PITPNM2: variants seen among roughly 807,000 people sequenced by gnomAD.
The protein encoded by PITPNM2 is membrane-associated phosphatidylinositol transfer protein 2.
Under a neutral mutation model 132.2 loss-of-function variants are expected in PITPNM2, and 35 were observed. The observed-to-expected ratio is 0.26, with a 90% confidence interval of 0.20 to 0.35. The LOEUF is 0.35. PITPNM2 is among the 10% of genes least tolerant of loss of function. The pLI, the probability that PITPNM2 is intolerant of heterozygous loss-of-function variation, is 1.00. For synonymous variants in PITPNM2, 738 were observed against 799.2 expected (o/e 0.92, Z 1.29); for missense variants, 1,332 against 1,912.0 (o/e 0.70, Z 5.66).
chr12:123,014,359 C>G (rs1341057575), intron 3 of PITPNM2, among the ~76,000 whole-genome samples: 2 of 152,200 alleles, frequency 1.3e-5, no homozygotes, highest in Non-Finnish European at 2.9e-5. Context: ...TTTGCTTTTC[C>G]TCAATATTGT....
chr12:122,986,699 C>T lies in PITPNM2; in HGVS notation c.3544G>A (p.Val1182Met), dbSNP rs1219187975. The change falls in exon 24 of 26, where the codon GTG (valine) becomes ATG (methionine). Residue 1182 changes from valine to methionine, a missense_variant. Coordinates refer to ENST00000320201, the MANE Select transcript of PITPNM2 (RefSeq NM_020845.3). ...GCCTTGTGCCGCAGCGGGTCATGCA[C>T]CAGGCCGTCACAGAAGGACACCACG... ...HGVVSFCDGL[V>M]HDPLRHKANF... is the part of the protein sequence containing the mutation. The T allele has an allele frequency of 1.3e-5, 21 of 1,613,400 alleles. No homozygotes were observed. The highest frequency in any genetic ancestry group is 1.8e-5 in the Non-Finnish European group (21 of 1,180,018).
At chr12:123,127,289 AC>A (rs2043159093) in intron 1 of PITPNM2, among the ~76,000 whole-genome samples, 1 of 152,086 alleles carries the variant, frequency 6.6e-6, no homozygotes, top group African/African-American at 2.4e-5. Context: ...GTCGCAGGGG[AC>A]CCAGGAGGTG....
At chr12:123,122,717 CA>C (rs2043055811) in intron 1 of PITPNM2, among the ~76,000 whole-genome samples, 1 of 152,154 alleles carries the variant, frequency 6.6e-6, no homozygotes, top group Non-Finnish European at 1.5e-5. Context: ...TCCAAAAACC[CA>C]AGAGCCCCTC....
chr12:123,027,737 A>G (rs959392036), intron 3 of PITPNM2, among the ~76,000 whole-genome samples: 4 of 152,210 alleles, frequency 2.6e-5, no homozygotes, highest in African/African-American at 9.7e-5. Context: ...TTCCTGAAAT[A>G]GATGCTAGGT....
At chr12:123,003,433 G>A (rs1010822778) in intron 8 of PITPNM2, among the ~76,000 whole-genome samples, 5 of 152,286 alleles carry the variant, frequency 3.3e-5, no homozygotes, top group African/African-American at 7.2e-5. Flanking sequence ...GGGGTGGGAC[G>A]CCAAGAGGCC....
rs2038865671 is a variant in PITPNM2, at chr12:123,005,073, G to A, written c.952+167C>T. 6.6e-6 allele frequency among the ~76,000 whole-genome samples: 1 copy of A among 152,218 alleles called. No homozygotes were observed. Among genetic ancestry groups the A allele is most frequent in the Non-Finnish European group, 1.5e-5 (1 of 68,020 alleles). On this transcript the variant is annotated intron_variant, in intron 7 of 25. Transcript: ENST00000320201. This position sits in a 1 kb window ranked among gnomAD's most constrained non-coding sequence, Gnocchi z 6.2. The stretch of plus-strand genomic sequence containing the variant: ...GGGGAGCCCACTGGGGCAGGGCCCA[G>A]GCTTCCCTGTGTGCGAGGACTAGCC...
intron 5 of PITPNM2, among the ~76,000 whole-genome samples, chr12:123,010,954 A>G (rs1439382274): frequency 2.0e-5 from 3 of 152,220 alleles, no homozygotes; most frequent in Non-Finnish European, 4.4e-5. Context: ...AAACAGGCTT[A>G]GGGGCTGACA....
chr12:123,046,398 A>G (rs533231970), intron 2 of PITPNM2, among the ~76,000 whole-genome samples: 7 of 150,502 alleles, frequency 4.7e-5, no homozygotes, highest in African/African-American at 1.7e-4. Context: ...AATCCTCACA[A>G]CTCCCCCGAG....
rs185855710 is a variant in PITPNM2, at chr12:123,112,025, C to T, written c.-199-1537G>A. On this transcript the variant is annotated intron_variant, in intron 1 of 25. Transcript: ENST00000320201. ...TCCAGCCCACCACAATGCTTCTCGG[C>T]GGGTGAGAAGGGCAGTGGTGACTCA... is the stretch of plus-strand genomic sequence containing the variant. Among the ~76,000 whole-genome samples, 8 of 152,178 alleles carry T rather than the reference C, an allele frequency of 5.3e-5. No homozygotes were observed. The South Asian group carries it at 8.3e-4, about 16-fold the overall frequency.
In PITPNM2 at chr12:122,995,493, G is replaced by C; in HGVS notation, c.1950C>G (p.Arg650=). ...HLSRSNVDIP[R]SNGTEDPKRQ... Reference sequence around the variant, plus strand: ...TTTTGGGGTCCTCAGTGCCGTTGCTGCGGGGGATGTCGACGTTGCTTCGGC... The same window carrying C: ...TTTTGGGGTCCTCAGTGCCGTTGCTCCGGGGGATGTCGACGTTGCTTCGGC... Residue 650 remains arginine (R), a synonymous_variant, in exon 14 of 26, where the codon CGC becomes CGG. Coordinates refer to ENST00000320201, the MANE Select transcript of PITPNM2 (RefSeq NM_020845.3). 1.9e-6 allele frequency: 3 copies of C among 1,613,904 alleles called. No individual in the cohort carries two copies. The highest frequency in any genetic ancestry group is 2.5e-6 in the Non-Finnish European group (3 of 1,180,006).
chr12:122,995,472 G>A lies in PITPNM2; in HGVS notation c.1971C>T (p.Pro657=). ...TCCTCTTGCGGGGCAGTTGCCTTTT[G>A]GGGTCCTCAGTGCCGTTGCTGCGGG... is the stretch of plus-strand genomic sequence containing the variant. ...DIPRSNGTED[P]KRQLPRKRSD... is the part of the protein sequence containing the mutation. Residue 657 remains proline (P), a synonymous_variant, in exon 14 of 26, where the codon CCC becomes CCT. Transcript: ENST00000320201. 1 of 1,614,014 alleles carries A rather than the reference G, an allele frequency of 6.2e-7. No homozygotes were observed. The highest frequency in any genetic ancestry group is 2.2e-5 in the East Asian group (1 of 44,876).
At chr12:123,057,228 A>C (rs1324318151) in intron 2 of PITPNM2, among the ~76,000 whole-genome samples, 5 of 151,998 alleles carry the variant, frequency 3.3e-5, no homozygotes, top group Non-Finnish European at 7.4e-5. Context: ...TAAAAATACA[A>C]AATTAGCTAG....
chr12:123,129,567 C>G (rs985742296), intron 1 of PITPNM2, among the ~76,000 whole-genome samples: 1 of 148,730 alleles, frequency 6.7e-6, no homozygotes. Context: ...GACTCCGTCT[C>G]AAGAAAAAAA....
chr12:122,994,370 G>A lies in PITPNM2; in HGVS notation c.2233+431C>T, dbSNP rs1000299840. On this transcript the variant is annotated intron_variant, in intron 15 of 25. Coordinates refer to ENST00000320201, the MANE Select transcript of PITPNM2 (RefSeq NM_020845.3). This position sits in a 1 kb window ranked among gnomAD's most constrained non-coding sequence, Gnocchi z 5.4. ...CCCAGCCGCTGGCCTGCCTGCCCTG[G>A]GTAGACAGAGACGCACAGCTGTGGC... 6.6e-6 allele frequency among the ~76,000 whole-genome samples: 1 copy of A among 152,208 alleles called. No individual in the cohort carries two copies. The highest frequency in any genetic ancestry group is 1.9e-4 in the East Asian group (1 of 5,194).
intron 2 of PITPNM2, among the ~76,000 whole-genome samples, chr12:123,080,251 C>G (rs775938568): frequency 1.3e-5 from 2 of 152,092 alleles, no homozygotes; most frequent in South Asian, 4.1e-4. Context: ...CAGGGTCTCA[C>G]TCTGTTGCCC....
chr12:122,994,754 C>T lies in PITPNM2; in HGVS notation c.2233+47G>A, dbSNP rs377705091. 1.5e-5 allele frequency: 23 copies of T among 1,565,720 alleles called. No individual in the cohort carries two copies. Among genetic ancestry groups the T allele is most frequent in the Middle Eastern group, 1.7e-4 (1 of 5,814 alleles). On this transcript the variant is annotated intron_variant, in intron 15 of 25. Coordinates refer to ENST00000320201, the MANE Select transcript of PITPNM2 (RefSeq NM_020845.3). This position sits in a 1 kb window ranked among gnomAD's most constrained non-coding sequence, Gnocchi z 5.4. ...AGGGGTCCACTGAGACCCCCGCCCCCGCACCCAGTGCATGTACCCCCCATC... is the reference window on the plus strand; with the variant it reads ...AGGGGTCCACTGAGACCCCCGCCCCTGCACCCAGTGCATGTACCCCCCATC...
intron 2 of PITPNM2, among the ~76,000 whole-genome samples, chr12:123,098,551 A>AT (rs990281896): frequency 3.3e-5 from 5 of 152,110 alleles, no homozygotes; most frequent in South Asian, 4.2e-4. Context: ...AAAGAGAACA[A>AT]TTTTTTTTAA....
intron 1 of PITPNM2, among the ~76,000 whole-genome samples, chr12:123,129,552 A>T (rs2043218237): frequency 6.6e-6 from 1 of 152,196 alleles, no homozygotes. Context: ...CCTGGGCAAC[A>T]GAGAGACTCC....
At chr12:123,148,760 G>A (rs542717255) in intron 1 of PITPNM2, among the ~76,000 whole-genome samples, 78 of 152,214 alleles carry the variant, frequency 5.1e-4, no homozygotes, top group African/African-American at 1.8e-3. Flanking sequence ...AGCACTAACC[G>A]CCCAGGAGCT....
Sources: gnomAD v4.1 joint callset for allele counts (sites outside exome capture counted in the v4.1 genomes callset) on GRCh38, gnomAD v4.1.1 for gene constraint, Gnocchi (gnomAD v3.1) non-coding constraint, MANE v1.5 for transcripts, NCBI Gene and HGNC (gene_info 2026-07-23, HGNC 2026-07-21) for gene names.